The following UNC5C variants were observed in gnomAD, a reference collection of about 807,000 sequenced individuals.
UNC5C encodes the protein unc-5 netrin receptor C.
UNC5C carries 47 observed loss-of-function variants against 99.8 expected under a neutral mutation model. The observed-to-expected ratio is 0.47, with a 90% CI of 0.37 to 0.60. The LOEUF is 0.60. Ranked by LOEUF, UNC5C falls within the 20% of genes least tolerant of loss-of-function variation. The pLI, the probability that UNC5C is intolerant of heterozygous loss-of-function variation, is 0.00. For missense variants in UNC5C, 1,062 were observed against 1,165.9 expected, an observed-to-expected ratio of 0.91 and a Z score of 1.30; for synonymous variants, 487 against 452.2, an observed-to-expected ratio of 1.08 and a Z score of -0.98.
chr4:95,387,782 C>A (rs917322363), intron 1 of UNC5C, among the ~76,000 whole-genome samples: 2 of 152,078 alleles, frequency 1.3e-5, no homozygotes, highest in Non-Finnish European at 2.9e-5. Context: ...GGCATAGATA[C>A]CCATCCTAAA....
chr4:95,310,939 A>G (rs1742253749), intron 2 of UNC5C, among the ~76,000 whole-genome samples: 1 of 152,176 alleles, frequency 6.6e-6, no homozygotes, highest in Non-Finnish European at 1.5e-5. Context: ...TACTCTGGCA[A>G]TCATAACACA....
intron 1 of UNC5C, among the ~76,000 whole-genome samples, chr4:95,518,907 T>C (rs974786806): frequency 2.0e-5 from 3 of 152,120 alleles, no homozygotes; most frequent in Non-Finnish European, 2.9e-5. Context: ...ACTAGAGAGA[T>C]TGGAATAAAG....
At chr4:95,526,177 T>C (rs1338111501) in intron 1 of UNC5C, among the ~76,000 whole-genome samples, 1 of 152,124 alleles carries the variant, frequency 6.6e-6, no homozygotes, top group Non-Finnish European at 1.5e-5. Context: ...ATTAAGAAGG[T>C]ATTACATGAT....
At chr4:95,519,017 G>T (rs552579211) in intron 1 of UNC5C, among the ~76,000 whole-genome samples, 1 of 152,196 alleles carries the variant, frequency 6.6e-6, no homozygotes, top group African/African-American at 2.4e-5. Context: ...TATTTTCTAT[G>T]GATTATTAGG....
At chr4:95,291,251 T>C (rs1741433205) in intron 3 of UNC5C, among the ~76,000 whole-genome samples, 1 of 152,184 alleles carries the variant, frequency 6.6e-6, no homozygotes, top group South Asian at 2.1e-4. Context: ...ACAGTATTTT[T>C]TAAGGTATGT....
chr4:95,441,609 A>T (rs1008932287), intron 1 of UNC5C, among the ~76,000 whole-genome samples: 89 of 152,316 alleles, frequency 5.8e-4, no homozygotes, highest in Non-Finnish European at 1.0e-3. Flanking sequence ...TGCAAAAACT[A>T]GGTATAATTA....
intron 1 of UNC5C, among the ~76,000 whole-genome samples, chr4:95,484,625 A>G (rs1040601880): frequency 1.3e-5 from 2 of 151,906 alleles, no homozygotes; most frequent in African/African-American, 4.8e-5. Context: ...CCTGAGTGAC[A>G]ATAAGAAGCT....
chr4:95,195,281 C>T (rs867408941), intron 12 of UNC5C, among the ~76,000 whole-genome samples: 12 of 152,162 alleles, frequency 7.9e-5, no homozygotes, highest in South Asian at 4.1e-4. Context: ...CAGCCAGTCA[C>T]GGCAGCCAGC....
At chr4:95,359,433 G>C (rs1056835253) in intron 1 of UNC5C, among the ~76,000 whole-genome samples, 3 of 151,280 alleles carry the variant, frequency 2.0e-5, no homozygotes, top group Admixed American at 6.6e-5. Context: ...AGCATCATTT[G>C]TTAAACTAGA....
intron 2 of UNC5C, among the ~76,000 whole-genome samples, chr4:95,326,532 A>G (rs1348930988): frequency 1.3e-5 from 2 of 152,212 alleles, no homozygotes; most frequent in Non-Finnish European, 2.9e-5. Flanking sequence ...ATGTATTACT[A>G]TATTACCAAA....
chr4:95,394,651 CTGTGTGTGTGTGTG>C, intron 1 of UNC5C, among the ~76,000 whole-genome samples: 1 of 147,748 alleles, frequency 6.8e-6, no homozygotes, highest in East Asian at 2.0e-4. Flanking sequence ...AAGGTATTTG[CTGTGTGTGTGTGTG>C]TGTGTGTGTG....
At chr4:95,441,122 C>T (rs1746939496) in intron 1 of UNC5C, among the ~76,000 whole-genome samples, 1 of 152,154 alleles carries the variant, frequency 6.6e-6, no homozygotes, top group Non-Finnish European at 1.5e-5. Context: ...CACATAAAAG[C>T]ATTCCTTTAT....
intron 1 of UNC5C, among the ~76,000 whole-genome samples, chr4:95,405,166 G>T (rs114318785): frequency 1.3e-5 from 2 of 152,150 alleles, no homozygotes; most frequent in Non-Finnish European, 2.9e-5. Context: ...CATTGAGCCC[G>T]TTAACATTCA....
chr4:95,239,671 C>G (rs1190365721), intron 7 of UNC5C, among the ~76,000 whole-genome samples: 1 of 152,120 alleles, frequency 6.6e-6, no homozygotes, highest in African/African-American at 2.4e-5. Context: ...TTCTCTCTCT[C>G]TCTTTCTGCA....
chr4:95,480,693 C>A (rs552704553), intron 1 of UNC5C, among the ~76,000 whole-genome samples: 1 of 151,856 alleles, frequency 6.6e-6, no homozygotes, highest in African/African-American at 2.4e-5. Context: ...GGGATGCAAG[C>A]CTGGTTCAAT....
Position 95,473,584 on chromosome 4 carries a change from C to T in UNC5C, c.124+75150G>A, listed in dbSNP as rs563339024. Among the ~76,000 whole-genome samples, 3 of 152,198 alleles carry T rather than the reference C, an allele frequency of 2.0e-5. No homozygotes were observed. In the South Asian group the frequency reaches 6.2e-4, roughly 32 times the overall value. The stretch of plus-strand genomic sequence containing the variant: ...AATTTTCTTTCATGTTGTCCTGATA[C>T]AGGTATAATCCATGGTAAATTGAAG... On this transcript the variant is annotated intron_variant, in intron 1 of 15. Coordinates refer to ENST00000453304, the MANE Select transcript of UNC5C (RefSeq NM_003728.4).
At chr4:95,379,796 G>C (rs553162976) in intron 1 of UNC5C, among the ~76,000 whole-genome samples, 1 of 152,234 alleles carries the variant, frequency 6.6e-6, no homozygotes, top group Admixed American at 6.5e-5. Context: ...TCTTAGGCGC[G>C]ATAAGGAGTC....
chr4:95,311,350 A>G (rs1742270386), intron 2 of UNC5C, among the ~76,000 whole-genome samples: 1 of 152,188 alleles, frequency 6.6e-6, no homozygotes, highest in Admixed American at 6.5e-5. Flanking sequence ...GGAAGGGAAC[A>G]AAGCATGTTC....
chr4:95,398,432 C>CTCATTCAT lies in UNC5C; in HGVS notation c.125-62809_125-62802dup, dbSNP rs112476627. ...CAATGCACTAATCTAACTTCATTCA[C>CTCATTCAT]TCATTCATTCATTCATTCATTCATT... On this transcript the variant is annotated intron_variant, in intron 1 of 15. Transcript: ENST00000453304. Among the ~76,000 whole-genome samples the CTCATTCAT allele has an allele frequency of 1.3e-3, 203 of 151,406 alleles. 1 individual carries two copies. The highest frequency in any genetic ancestry group is 4.3e-3 in the African/African-American group (178 of 41,312).
Sources: allele counts gnomAD v4.1 joint callset (sites outside exome capture counted in the v4.1 genomes callset), GRCh38; gene constraint gnomAD v4.1.1; transcripts MANE v1.5; gene names NCBI Gene and HGNC (gene_info 2026-07-23, HGNC 2026-07-21).